MDGA2: variants seen among roughly 807,000 people sequenced by gnomAD.
MDGA2 encodes MAM domain containing glycosylphosphatidylinositol anchor 2, also known as MAM domain-containing glycosylphosphatidylinositol anchor protein 2.
A neutral mutation model predicts 117.8 loss-of-function variants in MDGA2; 40 were observed. The ratio of observed to expected loss-of-function variants is 0.34; its 90% CI spans 0.26 to 0.44. The LOEUF (loss-of-function observed/expected upper bound fraction) is 0.44. Ranked by LOEUF, MDGA2 falls within the 20% of genes least tolerant of loss-of-function variation. MDGA2 has a pLI of 1.00. For missense variants in MDGA2, 1,123 were observed against 1,250.6 expected, an observed-to-expected ratio of 0.90 and a Z score of 1.54; for synonymous variants, 452 against 439.0, an observed-to-expected ratio of 1.03 and a Z score of -0.37.
chr14:46,914,815 T>A (rs1883839181), intron 10 of MDGA2, among the ~76,000 whole-genome samples: 1 of 152,138 alleles, frequency 6.6e-6, no homozygotes, highest in Non-Finnish European at 1.5e-5. Context: ...GAGATTTTTG[T>A]ACTAGATAAC....
At chr14:46,956,468 C>A (rs1369529357) in intron 9 of MDGA2, among the ~76,000 whole-genome samples, 1 of 152,166 alleles carries the variant, frequency 6.6e-6, no homozygotes, top group African/African-American at 2.4e-5. Context: ...TCAGATACAA[C>A]TCTACTGCTT....
intron 1 of MDGA2, among the ~76,000 whole-genome samples, chr14:47,351,053 A>T (rs1890866937): frequency 6.6e-6 from 1 of 150,510 alleles, no homozygotes; most frequent in South Asian, 2.1e-4. Flanking sequence ...CTGGGACTAC[A>T]GGTCAGTGCC....
At chr14:47,427,415 G>C (rs1892713283) in intron 1 of MDGA2, among the ~76,000 whole-genome samples, 1 of 152,136 alleles carries the variant, frequency 6.6e-6, no homozygotes, top group South Asian at 2.1e-4. Context: ...TGCAGATACT[G>C]TGTTTTCAAC....
intron 1 of MDGA2, among the ~76,000 whole-genome samples, chr14:47,353,869 C>T (rs1028117412): frequency 5.9e-5 from 9 of 152,012 alleles, no homozygotes; most frequent in African/African-American, 2.2e-4. Flanking sequence ...AACTACAGGC[C>T]AATATTACTA....
At chr14:46,919,895 G>C in intron 10 of MDGA2, 117 bp downstream of exon 10, 1 of 870,554 alleles carries the variant, frequency 1.1e-6, no homozygotes, top group Non-Finnish European at 1.7e-6. Context: ...TCTATATACA[G>C]AAACACATAT....
At chr14:46,843,475 T>G (rs1880699204) in intron 16 of MDGA2, among the ~76,000 whole-genome samples, 1 of 152,116 alleles carries the variant, frequency 6.6e-6, no homozygotes, top group Non-Finnish European at 1.5e-5. Flanking sequence ...ATACATGTTT[T>G]CCTGTGCATT....
chr14:46,971,942 G>A (rs1886283531), intron 8 of MDGA2, among the ~76,000 whole-genome samples: 1 of 152,148 alleles, frequency 6.6e-6, no homozygotes. Context: ...ACTTTGGGTT[G>A]TTGAAACAAT....
At chr14:46,973,255 T>C (rs190304052) in intron 8 of MDGA2, among the ~76,000 whole-genome samples, 5 of 152,254 alleles carry the variant, frequency 3.3e-5, no homozygotes, top group East Asian at 1.9e-4. Context: ...CCAGCAATCA[T>C]AGACCTTAGT....
chr14:46,899,327 G>A (rs566522812), intron 10 of MDGA2, among the ~76,000 whole-genome samples: 2 of 152,086 alleles, frequency 1.3e-5, no homozygotes, highest in South Asian at 2.1e-4. Context: ...AAATTTCCCT[G>A]AGAGTTATGA....
intron 8 of MDGA2, among the ~76,000 whole-genome samples, chr14:47,027,324 A>T (rs1888510984): frequency 6.6e-6 from 1 of 152,172 alleles, no homozygotes; most frequent in South Asian, 2.1e-4. Flanking sequence ...GGACAGAAGT[A>T]CCTAGCTGAC....
rs144698550 is a variant in MDGA2 at position 47,045,176 on chromosome 14, T to C, written c.1526-9872A>G. 2.0e-3 allele frequency among the ~76,000 whole-genome samples: 301 copies of C among 152,332 alleles called. 3 individuals carry two copies. Among genetic ancestry groups the C allele is most frequent in the African/African-American group, 5.9e-3 (245 of 41,580 alleles). On this transcript the variant is annotated intron_variant, in intron 7 of 16. Transcript: ENST00000399232. ...CCTGCTACTCAAGCTACAAGACCAG[T>C]TGCAAATAAACACAGGTTCTATTCT...
intron 9 of MDGA2, among the ~76,000 whole-genome samples, chr14:46,952,566 C>T (rs902942976): frequency 2.0e-5 from 3 of 151,998 alleles, no homozygotes; most frequent in African/African-American, 4.8e-5. Context: ...AAAGCATTTA[C>T]AGCAGTAATC....
intron 1 of MDGA2, among the ~76,000 whole-genome samples, chr14:47,666,861 A>G (rs59184247): frequency 0.093 from 14,221 of 152,202 alleles, 684 homozygotes; most frequent in Non-Finnish European, 0.11. Context: ...CAAGACCACA[A>G]AGCCACTGGG....
intron 8 of MDGA2, among the ~76,000 whole-genome samples, chr14:46,985,971 T>C (rs1170338109): frequency 6.6e-6 from 1 of 152,054 alleles, no homozygotes; most frequent in African/African-American, 2.4e-5. Flanking sequence ...TTCTAAGGTT[T>C]CAAAGGTTGC....
chr14:47,043,203 A>T (rs1052446447), intron 7 of MDGA2, among the ~76,000 whole-genome samples: 1 of 152,054 alleles, frequency 6.6e-6, no homozygotes, highest in African/African-American at 2.4e-5. Flanking sequence ...GACATTCCTC[A>T]TTTATTAATG....
At chr14:47,079,174 T>C (rs112374117) in intron 6 of MDGA2, among the ~76,000 whole-genome samples, 2,992 of 152,266 alleles carry the variant, frequency 0.02, 101 homozygotes, top group African/African-American at 0.067. Flanking sequence ...AATTTACAGA[T>C]TACTTGGGTG....
At chr14:47,583,271 G>A (rs1294251123) in intron 1 of MDGA2, among the ~76,000 whole-genome samples, 1 of 151,804 alleles carries the variant, frequency 6.6e-6, no homozygotes, top group African/African-American at 2.4e-5. Context: ...GTATGGTCAG[G>A]AAGGACCTGT....
intron 1 of MDGA2, among the ~76,000 whole-genome samples, chr14:47,464,100 T>TACACACACACAC (rs71449610): frequency 7.8e-5 from 11 of 141,516 alleles, no homozygotes; most frequent in Admixed American, 3.6e-4. Context: ...ACTTACTATG[T>TACACACACACAC]ACACACACAC....
chr14:47,375,885 GA>G (rs938624002), intron 1 of MDGA2, among the ~76,000 whole-genome samples: 58 of 152,178 alleles, frequency 3.8e-4, no homozygotes, highest in African/African-American at 1.4e-3. Context: ...CCTCCCAAAA[GA>G]ACCTGGCCCA....
Sources: allele counts gnomAD v4.1 joint callset (sites outside exome capture counted in the v4.1 genomes callset), GRCh38; gene constraint gnomAD v4.1.1; transcripts MANE v1.5; gene names NCBI Gene and HGNC (gene_info 2026-07-23, HGNC 2026-07-21).